MRPL21: variants seen among roughly 807,000 people sequenced by gnomAD.
MRPL21 encodes mitochondrial ribosomal protein L21.
Under a neutral mutation model 27.3 loss-of-function variants are expected in MRPL21, and 20 were observed. That is an observed-to-expected ratio of 0.73 (90% CI 0.52 to 1.06). The LOEUF (loss-of-function observed/expected upper bound fraction) is 1.06, where lower values mean the gene tolerates loss of function less well. Among genes scored for constraint, MRPL21 ranks in the 50% least tolerant of loss-of-function variants. The pLI is 0.00. For missense variants in MRPL21, 249 were observed against 251.4 expected (o/e 0.99, Z 0.06); for synonymous variants, 98 against 101.5 (o/e 0.97, Z 0.21).
chr11:68,896,757 TG>T, intron 3 of MRPL21, 79 bp from the exon 4 acceptor site: 1 of 1,575,216 alleles, frequency 6.3e-7, no homozygotes, highest in Non-Finnish European at 8.7e-7. Context: ...CAGCTCCTGG[TG>T]GTGGGGCCCT....
chr11:68,893,607 A>C, intron 4 of MRPL21, 152 bp from the exon 5 acceptor site: 2 of 1,102,266 alleles, frequency 1.8e-6, no homozygotes, highest in Non-Finnish European at 2.6e-6. Context: ...TGATCTCTTT[A>C]ATATCTACAA....
Position 68,900,561 on chromosome 11 carries a change from A to T in MRPL21, c.133T>A (p.Ser45Thr). ...ASRRFNSQST[S>T]YLPGYVPKTS... ...TTTTGATATTACCCTGGTAGATATGAAGTGCTCTGTGAATTGAACCTTCGA... is the reference window on the plus strand; with the variant it reads ...TTTTGATATTACCCTGGTAGATATGTAGTGCTCTGTGAATTGAACCTTCGA... Residue 45 changes from serine (S) to threonine (T), a missense_variant, in exon 2 of 7, where the codon TCA (serine) becomes ACA (threonine). Physicochemically the swap from Ser to Thr is moderately conservative, Grantham distance 58 (BLOSUM62 1). Transcript: ENST00000362034. The T allele has an allele frequency of 6.2e-7, 1 of 1,614,006 alleles. No homozygotes were observed. The highest frequency in any genetic ancestry group is 8.5e-7 in the Non-Finnish European group (1 of 1,179,840).
chr11:68,900,477 G>T, intron 2 of MRPL21, 71 bp downstream of exon 2: 8 of 1,375,528 alleles, frequency 5.8e-6, no homozygotes, highest in Non-Finnish European at 8.2e-6. Context: ...AAGGTAGGAA[G>T]TTTTGACTTT....
intron 4 of MRPL21, among the ~76,000 whole-genome samples, chr11:68,895,048 T>C (rs1398172610): frequency 6.6e-6 from 1 of 152,222 alleles, no homozygotes; most frequent in Non-Finnish European, 1.5e-5. Context: ...GCAGACTGCC[T>C]GAGGTTGGGA....
chr11:68,895,932 G>T (rs1008065155), intron 4 of MRPL21, among the ~76,000 whole-genome samples: 16 of 152,110 alleles, frequency 1.1e-4, no homozygotes, highest in Non-Finnish European at 2.4e-4. Flanking sequence ...CCCCACCTTG[G>T]CCTCCCAATG....
At chr11:68,898,397 C>A (rs974548415) in intron 2 of MRPL21, among the ~76,000 whole-genome samples, 1 of 152,224 alleles carries the variant, frequency 6.6e-6, no homozygotes, top group African/African-American at 2.4e-5. Flanking sequence ...GCCAGCAGCT[C>A]TCCCGCCTCC....
chr11:68,898,881 G>C (rs989999034), intron 2 of MRPL21, among the ~76,000 whole-genome samples: 1 of 152,180 alleles, frequency 6.6e-6, no homozygotes, highest in Non-Finnish European at 1.5e-5. Flanking sequence ...TCTGCCTCCA[G>C]GGTTCCAGCG....
At chr11:68,903,160 C>T (rs1362354276) in intron 1 of MRPL21, among the ~76,000 whole-genome samples, 1 of 152,126 alleles carries the variant, frequency 6.6e-6, no homozygotes, top group Non-Finnish European at 1.5e-5. Context: ...ACATGAAACC[C>T]AGGTTTAAAA....
At chr11:68,903,322 G>A (rs1309921232) in intron 1 of MRPL21, among the ~76,000 whole-genome samples, 2 of 152,134 alleles carry the variant, frequency 1.3e-5, no homozygotes, top group Non-Finnish European at 2.9e-5. Flanking sequence ...GTTCAGATTA[G>A]GCGAGGATAT....
At chr11:68,902,066 C>T (rs763606495) in intron 1 of MRPL21, among the ~76,000 whole-genome samples, 1 of 152,188 alleles carries the variant, frequency 6.6e-6, no homozygotes, top group Admixed American at 6.5e-5. Context: ...AAACAGTCTC[C>T]TTCCTCTCCC....
intron 5 of MRPL21, 90 bp downstream of exon 5, chr11:68,893,313 A>G: frequency 1.1e-5 from 18 of 1,588,170 alleles, no homozygotes; most frequent in Non-Finnish European, 1.4e-5. Context: ...TATGAATGCA[A>G]CTCCCCACCT....
chr11:68,900,675 A>C (rs2154006063), intron 1 of MRPL21, 70 bp from the exon 2 acceptor site: 1 of 1,313,694 alleles, frequency 7.6e-7, no homozygotes, highest in South Asian at 1.2e-5. Context: ...TTATGATGCT[A>C]AATGCACAGC....
rs1857839175 is a variant in MRPL21, at chr11:68,897,919, G to A, written c.232+8C>T. On this transcript the variant is annotated splice_region_variant and intron_variant, in intron 3 of 6. Coordinates refer to ENST00000362034, the MANE Select transcript of MRPL21 (RefSeq NM_181514.2). ...CCCTCTAGCTTCTGTCTCCCAGGGA[G>A]GTCTTACCTGCATGGTGTCTGGTCT... is the stretch of plus-strand genomic sequence containing the variant. 1.2e-6 allele frequency: 2 copies of A among 1,612,090 alleles called. No homozygotes were observed. The highest frequency in any genetic ancestry group is 2.2e-5 in the South Asian group (2 of 91,018).
intron 2 of MRPL21, 83 bp from the exon 3 acceptor site, chr11:68,898,095 G>A: frequency 8.9e-7 from 1 of 1,120,880 alleles, no homozygotes; most frequent in Non-Finnish European, 1.3e-6. Flanking sequence ...ACACACAAAT[G>A]TTAGGAAGGG....
At chr11:68,896,032 C>T (rs1287017796) in intron 4 of MRPL21, among the ~76,000 whole-genome samples, 1 of 152,206 alleles carries the variant, frequency 6.6e-6, no homozygotes, top group Non-Finnish European at 1.5e-5. Flanking sequence ...AGGGAAATGC[C>T]TGTCAACCAG....
At chr11:68,893,887 C>G (rs1383795887) in intron 4 of MRPL21, among the ~76,000 whole-genome samples, 2 of 152,116 alleles carry the variant, frequency 1.3e-5, no homozygotes, top group Admixed American at 6.5e-5. Context: ...TCCTGGCTAA[C>G]ACGGTGAAAT....
chr11:68,900,924 A>G (rs966156294), intron 1 of MRPL21, among the ~76,000 whole-genome samples: 6 of 152,224 alleles, frequency 3.9e-5, no homozygotes, highest in African/African-American at 1.4e-4. Flanking sequence ...AGCCTCCAAG[A>G]TGGCCCTGCT....
intron 2 of MRPL21, 150 bp downstream of exon 2, chr11:68,900,398 T>C (rs536131011): frequency 9.7e-5 from 77 of 793,450 alleles, no homozygotes; most frequent in Non-Finnish European, 1.5e-4. Flanking sequence ...TCAAAACCAG[T>C]CTGGGAAACA....
In MRPL21 at chr11:68,891,380, T is replaced by C; in HGVS notation, c.569A>G (p.Gln190Arg). ...AATGCTGTTTATCCGGAGGACAGTC[T>C]GCGGGGTCGTGACGACTGAAAGAAA... is the stretch of plus-strand genomic sequence containing the variant. The part of the protein sequence containing the change: ...FKKKRIVTTP[Q>R]TVLRINSIEI... Residue 190 changes from glutamine (Q) to arginine (R), a missense_variant, in exon 7 of 7, where the codon CAG (glutamine) becomes CGG (arginine). By Grantham distance (43) the Gln-to-Arg change is conservative. Coordinates refer to ENST00000362034, the MANE Select transcript of MRPL21 (RefSeq NM_181514.2). 1 of 1,614,054 alleles carries C rather than the reference T, an allele frequency of 6.2e-7. No individual in the cohort carries two copies. The highest frequency in any genetic ancestry group is 8.5e-7 in the Non-Finnish European group (1 of 1,180,022).
Sources: gnomAD v4.1 joint callset for allele counts (sites outside exome capture counted in the v4.1 genomes callset) on GRCh38, gnomAD v4.1.1 for gene constraint, MANE v1.5 for transcripts, NCBI Gene and HGNC (gene_info 2026-07-23, HGNC 2026-07-21) for gene names.